ENTPD5: variants seen among roughly 807,000 people sequenced by gnomAD.
ENTPD5 encodes nucleoside diphosphate phosphatase ENTPD5.
A neutral mutation model predicts 60.2 loss-of-function variants in ENTPD5; 49 were observed. The observed-to-expected ratio is 0.81, with a 90% CI of 0.65 to 1.03. ENTPD5 has a LOEUF of 1.03. Ranked by LOEUF, ENTPD5 falls within the 50% of genes least tolerant of loss-of-function variation. The pLI, the probability that ENTPD5 is intolerant of heterozygous loss-of-function variation, is 0.00. For synonymous variants in ENTPD5, 187 were observed against 185.4 expected (o/e 1.01, Z -0.07); for missense variants, 480 against 507.6 (o/e 0.95, Z 0.52).
At chr14:74,018,025 T>C (rs2059102798) in intron 1 of ENTPD5, among the ~76,000 whole-genome samples, 1 of 151,070 alleles carries the variant, frequency 6.6e-6, no homozygotes, top group Admixed American at 6.6e-5. Context: ...CTACCAAAAA[T>C]ACAAAAATTA....
chr14:73,995,792 T>C (rs771978078), intron 3 of ENTPD5, among the ~76,000 whole-genome samples: 35 of 152,140 alleles, frequency 2.3e-4, no homozygotes, highest in Non-Finnish European at 3.8e-4. Context: ...ACTAGGGAGG[T>C]ATGTATACGT....
Position 74,008,473 on chromosome 14 carries a change from C to G in ENTPD5, c.-71+2618G>C, listed in dbSNP as rs56698198. Among the ~76,000 whole-genome samples the G allele has an allele frequency of 2.6e-3, 395 of 151,720 alleles. 1 individual carries two copies. The highest frequency in any genetic ancestry group is 9.3e-3 in the African/African-American group (384 of 41,348). ...GCACGATCTTGGCTCACTGCAACCT[C>G]CGCCTCCCGCAGGTTCACGCCACCA... is the stretch of plus-strand genomic sequence containing the variant. On this transcript the variant is annotated intron_variant, in intron 3 of 15. Transcript: ENST00000334696.
At chr14:73,980,400 C>T (rs1388261248) in intron 6 of ENTPD5, among the ~76,000 whole-genome samples, 1 of 148,042 alleles carries the variant, frequency 6.8e-6, no homozygotes, top group East Asian at 2.1e-4. Context: ...GAGTAGTTGA[C>T]CAACAGGCGT....
chr14:73,984,987 G>A (rs759684766), intron 5 of ENTPD5, among the ~76,000 whole-genome samples: 13 of 152,236 alleles, frequency 8.5e-5, no homozygotes, highest in African/African-American at 2.2e-4. Flanking sequence ...GAGAACATGC[G>A]GTGTTTGGTT....
chr14:73,960,901 G>A, downstream of ENTPD5: 1 of 543,078 alleles, frequency 1.8e-6, no homozygotes, highest in Non-Finnish European at 3.3e-6. Context: ...ACTGTGGCTG[G>A]TGCGTGGTTA....
chr14:73,986,761 G>T, intron 5 of ENTPD5, 53 bp downstream of exon 5: 1 of 1,238,754 alleles, frequency 8.1e-7, no homozygotes, highest in Non-Finnish European at 1.2e-6. Flanking sequence ...GCAGTGGTGT[G>T]GTCAAGTTAT....
At chr14:73,959,644 T>C (rs979665408), downstream of ENTPD5, 7 of 1,539,852 alleles carry the variant, frequency 4.5e-6, no homozygotes, top group African/African-American at 1.4e-5. Context: ...CTTGGCTCAC[T>C]GTGCAATCTC....
intron 3 of ENTPD5, among the ~76,000 whole-genome samples, chr14:74,002,167 G>C (rs2058532219): frequency 6.6e-6 from 1 of 152,116 alleles, no homozygotes; most frequent in Non-Finnish European, 1.5e-5. Context: ...ACTGAGCTTA[G>C]AGAAACTAAG....
chr14:73,986,492 G>A (rs1426576082), intron 5 of ENTPD5: 5 of 255,034 alleles, frequency 2.0e-5, no homozygotes, highest in Non-Finnish European at 3.0e-5. Context: ...AGAACTTCAT[G>A]TTTATCTTCT....
chr14:73,974,118 T>A (rs2057342185), intron 11 of ENTPD5, 140 bp from the exon 12 acceptor site: 4 of 674,618 alleles, frequency 5.9e-6, no homozygotes, highest in Non-Finnish European at 1.0e-5. Context: ...CATGACAACA[T>A]CCTGTGACAG....
At chr14:73,977,504 A>G (rs2057495130) in intron 6 of ENTPD5, 130 bp from the exon 7 acceptor site, 1 of 634,860 alleles carries the variant, frequency 1.6e-6, no homozygotes, top group Admixed American at 3.1e-5. Flanking sequence ...GGCAAAACTC[A>G]TTCCTTTGCC....
Position 73,972,931 on chromosome 14 carries a change from T to A in ENTPD5, c.980A>T (p.Tyr327Phe). Residue 327 changes from tyrosine to phenylalanine, a missense_variant, in exon 13 of 16, where the codon TAT (tyrosine) becomes TTT (phenylalanine). By Grantham distance (22) the Tyr-to-Phe change is conservative (BLOSUM62 3). Coordinates refer to ENST00000334696, the MANE Select transcript of ENTPD5 (RefSeq NM_001249.5). The part of the protein sequence containing the change: ...QPEEVQRGSF[Y>F]AFSYYYDRAV... ...TCGGTCATAATAGTAAGAGAAAGCA[T>A]AGAAGGAACCTCTCTGGACCTCCTC... 6.2e-7 allele frequency: 1 copy of A among 1,614,196 alleles called. No individual in the cohort carries two copies. The highest frequency in any genetic ancestry group is 8.5e-7 in the Non-Finnish European group (1 of 1,180,034).
chr14:73,969,962 C>T lies in ENTPD5; in HGVS notation c.1200+48G>A. 2.3e-6 allele frequency: 3 copies of T among 1,308,534 alleles called. No individual in the cohort carries two copies. In the South Asian group the frequency reaches 3.5e-5, roughly 15 times the overall value. The allele number at this position is 1,308,534 out of a possible 1,614,324, so 81.1% of individuals were successfully genotyped here. A position where few individuals can be genotyped will look rare whatever the true frequency, so the allele number is the denominator to read the frequency against. ...TGAACAAGCTCTTACTCCTTCTCAACCCCCACAAAAGAGGGCTGTTATGAG... is the reference window on the plus strand; with the variant it reads ...TGAACAAGCTCTTACTCCTTCTCAATCCCCACAAAAGAGGGCTGTTATGAG... On this transcript the variant is annotated intron_variant, in intron 15 of 15. Coordinates refer to ENST00000334696, the MANE Select transcript of ENTPD5 (RefSeq NM_001249.5).
chr14:73,997,933 C>T (rs938080755), intron 3 of ENTPD5, among the ~76,000 whole-genome samples: 11 of 152,118 alleles, frequency 7.2e-5, no homozygotes, highest in Non-Finnish European at 1.5e-5. Flanking sequence ...TGTTCCACTA[C>T]GGCCTAGGTA....
At chr14:73,970,162 A>G (rs987565404) in intron 14 of ENTPD5, 37 bp from the exon 15 acceptor site, 16 of 1,449,344 alleles carry the variant, frequency 1.1e-5, no homozygotes, top group Non-Finnish European at 1.6e-5. Context: ...TCAAGTTTGC[A>G]ACTAACTGAG....
chr14:73,992,189 T>C (rs993611176), intron 3 of ENTPD5, among the ~76,000 whole-genome samples: 3 of 152,186 alleles, frequency 2.0e-5, no homozygotes, highest in Non-Finnish European at 2.9e-5. Flanking sequence ...CTTTCATCTC[T>C]GGATCTCTTA....
chr14:73,981,310 C>T (rs2140561851), intron 6 of ENTPD5, among the ~76,000 whole-genome samples: 1 of 151,748 alleles, frequency 6.6e-6, no homozygotes, highest in African/African-American at 2.4e-5. Context: ...ACCAGCCTGG[C>T]CAACATGGTG....
At chr14:73,962,168 G>C (rs1434928706), downstream of ENTPD5, among the ~76,000 whole-genome samples, 2 of 151,876 alleles carry the variant, frequency 1.3e-5, no homozygotes, top group African/African-American at 2.4e-5. Context: ...AGCTGGTCTT[G>C]AACTCCTGAC....
At position 73,970,001 on chromosome 14, in the gene ENTPD5, G is replaced by A. The variant is rs757153593; in HGVS notation, c.1200+9C>T. The A allele has an allele frequency of 6.3e-7, 1 of 1,595,810 alleles. No individual in the cohort carries two copies. The highest frequency in any genetic ancestry group is 8.6e-7 in the Non-Finnish European group (1 of 1,163,486). On this transcript the variant is annotated intron_variant, in intron 15 of 15. Transcript: ENST00000334696. ...GGCTGTTATGAGACTCTGGTGTCCT[G>A]TCTCTTACCTGTAAGACTGTGCTGT...
Sources: gnomAD v4.1 joint callset for allele counts (sites outside exome capture counted in the v4.1 genomes callset) on GRCh38, gnomAD v4.1.1 for gene constraint, MANE v1.5 for transcripts, NCBI Gene and HGNC (gene_info 2026-07-23, HGNC 2026-07-21) for gene names.